Variants in PITPNM2 observed in about 807,000 individuals in gnomAD.
PITPNM2 encodes the protein phosphatidylinositol transfer protein membrane associated 2.
A neutral mutation model predicts 132.2 loss-of-function variants in PITPNM2; 35 were observed. The observed-to-expected ratio is 0.26, with a 90% CI of 0.20 to 0.35. The LOEUF is 0.35. Among genes scored for constraint, PITPNM2 ranks in the 10% least tolerant of loss-of-function variants. The pLI is 1.00. For missense variants in PITPNM2, 1,332 were observed against 1,912.0 expected, an observed-to-expected ratio of 0.70 and a Z score of 5.66; for synonymous variants, 738 against 799.2, an observed-to-expected ratio of 0.92 and a Z score of 1.29.
intron 3 of PITPNM2, among the ~76,000 whole-genome samples, chr12:123,014,792 T>A (rs530047397): frequency 1.3e-5 from 2 of 152,338 alleles, no homozygotes; most frequent in East Asian, 3.9e-4. Context: ...GATTTCCTGA[T>A]GCCATAATCT....
In PITPNM2 at chr12:122,995,605, C is replaced by A. The variant is rs751974164; in HGVS notation, c.1838G>T (p.Gly613Val). ...ACCACCGCCACCGCCGCCACCGCCA[C>A]CACCGCAGCAGTGTGCTGCATTCAT... is the stretch of plus-strand genomic sequence containing the variant. ...ILMNAAHCCG[G>V]GGGGGGGGGS... Residue 613 changes from glycine (G) to valine (V), a missense_variant, in exon 14 of 26, where the codon GGT (glycine) becomes GTT (valine). Gly to Val is a moderately radical substitution (Grantham distance 109, BLOSUM62 -3). Transcript: ENST00000320201. 6.2e-7 allele frequency: 1 copy of A among 1,605,304 alleles called. No homozygotes were observed. The highest frequency in any genetic ancestry group is 8.5e-7 in the Non-Finnish European group (1 of 1,179,416).
At chr12:123,025,185 G>A (rs998539775) in intron 3 of PITPNM2, among the ~76,000 whole-genome samples, 1 of 152,182 alleles carries the variant, frequency 6.6e-6, no homozygotes, top group African/African-American at 2.4e-5. Flanking sequence ...GGGCATCCTC[G>A]GTCAGCTTCC....
At position 123,000,454 on chromosome 12, in the gene PITPNM2, A is replaced by G. The variant is rs1440218208; in HGVS notation, c.1224+324T>C. The G allele has an allele frequency of 2.8e-6, 2 of 702,952 alleles. No homozygotes were observed. Among genetic ancestry groups the G allele is most frequent in the African/African-American group, 1.7e-5 (1 of 57,386 alleles). 43.5% of individuals were successfully genotyped at this position (702,952 alleles called of 1,614,324 possible). A position where few individuals can be genotyped will look rare whatever the true frequency, so the allele number is the denominator to read the frequency against. On this transcript the variant is annotated intron_variant, in intron 10 of 25. Transcript: ENST00000320201. The surrounding 1 kb of genome is among the most constrained non-coding windows in gnomAD (Gnocchi z 5.4). ...TTCAGGGACAGCAGACAGGCTGGGC[A>G]CAAGGTGAAGATCTTATTTTTGATC...
intron 8 of PITPNM2, among the ~76,000 whole-genome samples, chr12:123,002,546 G>A (rs1440707551): frequency 1.3e-5 from 2 of 152,070 alleles, no homozygotes; most frequent in Non-Finnish European, 2.9e-5. Flanking sequence ...CCGAGTAGCT[G>A]GAACTACAGG....
chr12:123,086,732 C>T (rs951421657), intron 2 of PITPNM2, among the ~76,000 whole-genome samples: 1 of 152,212 alleles, frequency 6.6e-6, no homozygotes, highest in Admixed American at 6.5e-5. Flanking sequence ...CAAGCCTGAG[C>T]TGGCCACCAC....
At chr12:122,988,207 G>T (rs2038021641) in intron 20 of PITPNM2, 27 bp downstream of exon 20, 1 of 1,588,288 alleles carries the variant, frequency 6.3e-7, no homozygotes, top group Non-Finnish European at 8.6e-7. Flanking sequence ...GACATCGTGG[G>T]GGCCTGGGCG....
At chr12:123,057,541 C>G (rs1266626682) in intron 2 of PITPNM2, among the ~76,000 whole-genome samples, 1 of 152,130 alleles carries the variant, frequency 6.6e-6, no homozygotes, top group Admixed American at 6.6e-5. Context: ...TAGACAAGAC[C>G]GCATCTGAAA....
intron 2 of PITPNM2, among the ~76,000 whole-genome samples, chr12:123,073,425 C>G (rs2041675598): frequency 6.6e-6 from 1 of 152,004 alleles, no homozygotes. Context: ...CTAACAACAG[C>G]CTACCATTCG....
At chr12:123,048,242 C>T (rs963793118) in intron 2 of PITPNM2, among the ~76,000 whole-genome samples, 1 of 152,138 alleles carries the variant, frequency 6.6e-6, no homozygotes, top group African/African-American at 2.4e-5. Context: ...CATGGATGAA[C>T]TCTGAAGACA....
chr12:122,990,032 G>T, intron 17 of PITPNM2, 84 bp from the exon 18 acceptor site: 2 of 1,112,506 alleles, frequency 1.8e-6, no homozygotes, highest in South Asian at 2.9e-5. Flanking sequence ...AGGACACTGG[G>T]ACAGTGCCAG....
intron 3 of PITPNM2, among the ~76,000 whole-genome samples, chr12:123,015,737 G>GA (rs907770775): frequency 1.6e-4 from 25 of 152,144 alleles, no homozygotes; most frequent in African/African-American, 5.3e-4. Flanking sequence ...AGCAACAAAA[G>GA]AAAAAATAGA....
chr12:123,079,342 T>G (rs1318889344), intron 2 of PITPNM2, among the ~76,000 whole-genome samples: 1 of 145,304 alleles, frequency 6.9e-6, no homozygotes, highest in Non-Finnish European at 1.5e-5. Flanking sequence ...CTTTTTCTTT[T>G]TTCTTTTCTT....
In PITPNM2 at chr12:123,117,824, T is replaced by C. The variant is rs569812726; in HGVS notation, c.-199-7336A>G. ...TCCCTAAATCATATGTTTAGCCCCCTGGACTCTAGGTGAGGCTACGGGACT... is the reference window on the plus strand; with the variant it reads ...TCCCTAAATCATATGTTTAGCCCCCCGGACTCTAGGTGAGGCTACGGGACT... On this transcript the variant is annotated intron_variant, in intron 1 of 25. Transcript: ENST00000320201. This position sits in a 1 kb window ranked among gnomAD's most constrained non-coding sequence, Gnocchi z 4.7. Among the ~76,000 whole-genome samples, 1 of 152,220 alleles carries C rather than the reference T, an allele frequency of 6.6e-6. No individual in the cohort carries two copies.
At position 123,036,703 on chromosome 12, in the gene PITPNM2, G is replaced by C. The variant is rs952119820; in HGVS notation, c.-95-2018C>G. Among the ~76,000 whole-genome samples, 1 of 152,188 alleles carries C rather than the reference G, an allele frequency of 6.6e-6. No individual in the cohort carries two copies. The highest frequency in any genetic ancestry group is 2.4e-5 in the African/African-American group (1 of 41,442). ...CTGCCCCTTGGAGGTCTCTGACCCAGACTCCCCATGGTGCTGCTGAGCAGC... is the reference window on the plus strand; with the variant it reads ...CTGCCCCTTGGAGGTCTCTGACCCACACTCCCCATGGTGCTGCTGAGCAGC... On this transcript the variant is annotated intron_variant, in intron 2 of 25. Coordinates refer to ENST00000320201, the MANE Select transcript of PITPNM2 (RefSeq NM_020845.3). This position sits in a 1 kb window ranked among gnomAD's most constrained non-coding sequence, Gnocchi z 4.1.
chr12:123,010,177 G>T, intron 5 of PITPNM2, 100 bp from the exon 6 acceptor site: 1 of 991,798 alleles, frequency 1.0e-6, no homozygotes, highest in Non-Finnish European at 1.5e-6. Context: ...AGGACTCTGG[G>T]CCTTGCCCTG....
At chr12:123,107,072 C>G (rs1009035872) in intron 2 of PITPNM2, among the ~76,000 whole-genome samples, 1 of 152,188 alleles carries the variant, frequency 6.6e-6, no homozygotes, top group Non-Finnish European at 1.5e-5. Context: ...GAGGTGGGGA[C>G]GTGCCCTGGA....
chr12:123,035,969 C>T (rs1229106870), intron 2 of PITPNM2, among the ~76,000 whole-genome samples: 1 of 152,200 alleles, frequency 6.6e-6, no homozygotes, highest in Non-Finnish European at 1.5e-5. Flanking sequence ...AGCTATCCTT[C>T]TGCCTCAGCC....
At chr12:123,116,694 T>C (rs1051852918) in intron 1 of PITPNM2, among the ~76,000 whole-genome samples, 1 of 147,024 alleles carries the variant, frequency 6.8e-6, no homozygotes, top group Admixed American at 6.8e-5. Context: ...GAGAATGAAG[T>C]GGTGGTGGCA....
rs928526362 is a variant in PITPNM2 at position 123,106,135 on chromosome 12, C to A, written c.-96+4250G>T. Among the ~76,000 whole-genome samples the A allele has an allele frequency of 6.6e-6, 1 of 152,224 alleles. No homozygotes were observed. Among genetic ancestry groups the A allele is most frequent in the African/African-American group, 2.4e-5 (1 of 41,464 alleles). ...TGCTTCTTCTCTTCACCCCAGATAG[C>A]CTGCTCTCAACACGGCAGCCAGAAG... On this transcript the variant is annotated intron_variant, in intron 2 of 25. Transcript: ENST00000320201. The surrounding 1 kb of genome is among the most constrained non-coding windows in gnomAD (Gnocchi z 4.4).
Sources: allele counts gnomAD v4.1 joint callset (sites outside exome capture counted in the v4.1 genomes callset), GRCh38; gene constraint gnomAD v4.1.1; non-coding constraint Gnocchi (gnomAD v3.1); transcripts MANE v1.5; gene names NCBI Gene and HGNC (gene_info 2026-07-23, HGNC 2026-07-21).